Variants in AKAP7 observed in about 807,000 individuals in gnomAD.
The protein encoded by AKAP7 is A-kinase anchoring protein 7.
A neutral mutation model predicts 39.5 loss-of-function variants in AKAP7; 39 were observed. That is an observed-to-expected ratio of 0.99 (90% CI 0.76 to 1.29). The LOEUF (loss-of-function observed/expected upper bound fraction) is 1.29, where lower values mean the gene tolerates loss of function less well. Ranked by LOEUF, AKAP7 falls within the 50% of genes most tolerant of loss-of-function variation. The pLI is 0.00. For missense variants in AKAP7, 414 were observed against 407.7 expected, an observed-to-expected ratio of 1.02 and a Z score of -0.13; for synonymous variants, 140 against 139.1, an observed-to-expected ratio of 1.01 and a Z score of -0.05.
intron 6 of AKAP7, among the ~76,000 whole-genome samples, chr6:131,207,684 C>T (rs1330294959): frequency 2.0e-5 from 3 of 151,490 alleles, no homozygotes; most frequent in African/African-American, 7.3e-5. Context: ...CCTGTCAATA[C>T]CAAATTATGT....
intron 5 of AKAP7, among the ~76,000 whole-genome samples, chr6:131,172,551 C>T (rs1251114398): frequency 6.6e-6 from 1 of 151,976 alleles, no homozygotes; most frequent in African/African-American, 2.4e-5. Flanking sequence ...TGGTCTTGAA[C>T]TCTTGGCCTC....
At chr6:131,279,836 T>A (rs1244313373) in intron 7 of AKAP7, among the ~76,000 whole-genome samples, 1 of 152,176 alleles carries the variant, frequency 6.6e-6, no homozygotes, top group Non-Finnish European at 1.5e-5. Context: ...TTTTGGAGGG[T>A]ACTTAAAAAG....
At chr6:131,234,910 CTTTT>C (rs530607325) in intron 7 of AKAP7, among the ~76,000 whole-genome samples, 1 of 151,110 alleles carries the variant, frequency 6.6e-6, no homozygotes, top group East Asian at 1.9e-4. Flanking sequence ...ATTATTATTT[CTTTT>C]TTTTATTATA....
At position 131,281,706 on chromosome 6, in the gene AKAP7, A is replaced by G. The variant is rs1228447992; in HGVS notation, c.1027A>G (p.Asn343Asp). ...AGCAGCTGATCAGAATGGCAATGAC[A>G]ATGAGAACAACAGGAAATGAGCCCG... is the stretch of plus-strand genomic sequence containing the variant. ...TEAADQNGND[N>D]ENNRK The change falls in exon 8 of 8, where the codon AAT becomes GAT. Residue 343 changes from asparagine (N) to aspartate (D), a missense_variant. Physicochemically the swap from Asn to Asp is conservative, Grantham distance 23. Coordinates refer to ENST00000431975, the MANE Select transcript of AKAP7 (RefSeq NM_016377.4). This position sits in a 1 kb window ranked among gnomAD's most constrained non-coding sequence, Gnocchi z 4.0. The G allele has an allele frequency of 3.7e-6, 6 of 1,608,696 alleles. No individual in the cohort carries two copies. Among genetic ancestry groups the G allele is most frequent in the East Asian group, 4.5e-5 (2 of 44,738 alleles).
intron 4 of AKAP7, among the ~76,000 whole-genome samples, chr6:131,166,065 G>T (rs1231169814): frequency 2.6e-5 from 4 of 152,132 alleles, no homozygotes; most frequent in African/African-American, 9.7e-5. Context: ...TAAGATAAAA[G>T]ACATTAATAA....
intron 6 of AKAP7, among the ~76,000 whole-genome samples, chr6:131,201,442 TG>T (rs527527273): frequency 3.6e-4 from 55 of 152,326 alleles, no homozygotes; most frequent in African/African-American, 9.9e-4. Context: ...AAATTATGAT[TG>T]TTTTTTTCTT....
intron 1 of AKAP7, chr6:131,136,882 T>G: frequency 1.0e-6 from 1 of 985,198 alleles, no homozygotes; most frequent in Non-Finnish European, 1.2e-6. Flanking sequence ...AAGCCAGGAC[T>G]AGAATGGATG....
chr6:131,209,518 G>C (rs1463277409), intron 6 of AKAP7, among the ~76,000 whole-genome samples: 1 of 152,078 alleles, frequency 6.6e-6, no homozygotes, highest in Admixed American at 6.6e-5. Flanking sequence ...CCAAAGTGCT[G>C]GGATTACAAG....
intron 4 of AKAP7, among the ~76,000 whole-genome samples, chr6:131,167,108 G>A (rs1803583645): frequency 6.6e-6 from 1 of 151,892 alleles, no homozygotes; most frequent in South Asian, 2.1e-4. Context: ...ACAACCTTTG[G>A]GTCTGAACTC....
At chr6:131,224,612 T>G (rs1379796921) in intron 7 of AKAP7, among the ~76,000 whole-genome samples, 1 of 151,838 alleles carries the variant, frequency 6.6e-6, no homozygotes, top group Non-Finnish European at 1.5e-5. Context: ...TCTTGGAGAG[T>G]GCTAGATTAC....
At position 131,235,291 on chromosome 6, in the gene AKAP7, T is replaced by G. The variant is rs1415794748; in HGVS notation, c.850+15483T>G. Among the ~76,000 whole-genome samples, 3 of 152,384 alleles carry G rather than the reference T, an allele frequency of 2.0e-5. No homozygotes were observed. The East Asian group carries it at 5.8e-4, about 29-fold the overall frequency. ...CATGGTGTATATGTGCCACATTTTC[T>G]TAATCCAGTCTATCACTGTTGGACA... On this transcript the variant is annotated intron_variant, in intron 7 of 7. Transcript: ENST00000431975.
At chr6:131,130,465 T>C in the AKAP7 span, among the ~76,000 whole-genome samples, 7 of 152,172 alleles carry the variant, frequency 4.6e-5, no homozygotes, top group Non-Finnish European at 8.8e-5. Context: ...CCTGGCTAAT[T>C]TTGTATTGTT....
intron 7 of AKAP7, chr6:131,250,468 A>G: frequency 6.3e-7 from 1 of 1,582,206 alleles, no homozygotes; most frequent in Non-Finnish European, 8.6e-7. Flanking sequence ...CCGTGGAGTG[A>G]AAAAGGCAGG....
chr6:131,144,496 T>C (rs1801320488), intron 1 of AKAP7, among the ~76,000 whole-genome samples: 1 of 152,230 alleles, frequency 6.6e-6, no homozygotes, highest in Non-Finnish European at 1.5e-5. Context: ...TGTTCAATCT[T>C]ATTAGTTCGG....
In AKAP7 at chr6:131,282,715, C is replaced by T. The variant is rs2128342384; in HGVS notation, c.*989C>T. The T allele has an allele frequency of 1.2e-6, 1 of 834,522 alleles. No individual in the cohort carries two copies. Among genetic ancestry groups the T allele is most frequent in the Non-Finnish European group, 1.7e-6 (1 of 588,556 alleles). 51.7% of individuals were successfully genotyped at this position (834,522 alleles called of 1,614,324 possible). ...TGATAGTGTCTGCACAACAGCAAACCAACATTTGGTGAGGAATTAGCAATT... is the reference window on the plus strand; with the variant it reads ...TGATAGTGTCTGCACAACAGCAAACTAACATTTGGTGAGGAATTAGCAATT... On this transcript the variant is annotated 3_prime_UTR_variant, in exon 8 of 8. Transcript: ENST00000431975.
intron 7 of AKAP7, among the ~76,000 whole-genome samples, chr6:131,221,051 C>A (rs1402919992): frequency 6.6e-6 from 1 of 152,170 alleles, no homozygotes; most frequent in South Asian, 2.1e-4. Context: ...GAAGGCATGT[C>A]GAAAGATGAA....
intron 5 of AKAP7, among the ~76,000 whole-genome samples, chr6:131,177,192 T>G (rs890541905): frequency 2.6e-5 from 4 of 152,218 alleles, no homozygotes; most frequent in African/African-American, 9.6e-5. Context: ...CTGACAAACC[T>G]ATGAGGTATG....
intron 5 of AKAP7, among the ~76,000 whole-genome samples, chr6:131,171,918 A>C (rs1304123348): frequency 5.9e-5 from 9 of 152,180 alleles, no homozygotes. Context: ...TGGAAGGAGA[A>C]TAGAGTAATA....
At chr6:131,270,944 A>C (rs1467790457) in intron 7 of AKAP7, among the ~76,000 whole-genome samples, 1 of 152,150 alleles carries the variant, frequency 6.6e-6, no homozygotes, top group Non-Finnish European at 1.5e-5. Context: ...TTAAGTAGTA[A>C]GAGTTCTTTT....
Sources: allele counts gnomAD v4.1 joint callset (sites outside exome capture counted in the v4.1 genomes callset), GRCh38; gene constraint gnomAD v4.1.1; non-coding constraint Gnocchi (gnomAD v3.1); transcripts MANE v1.5; gene names NCBI Gene and HGNC (gene_info 2026-07-23, HGNC 2026-07-21).